The following TPGS2 variants were observed in gnomAD, a reference collection of about 807,000 sequenced individuals.
The protein encoded by TPGS2 is polyglutamylase subunit 2.
A neutral mutation model predicts 31.1 loss-of-function variants in TPGS2; 26 were observed. The observed-to-expected ratio is 0.84, with a 90% CI of 0.61 to 1.16. The LOEUF is 1.16. Among genes scored for constraint, TPGS2 ranks in the 50% most tolerant of loss-of-function variants. TPGS2 has a pLI of 0.00. For synonymous variants in TPGS2, 130 were observed against 136.6 expected (o/e 0.95, Z 0.34); for missense variants, 351 against 363.8 (o/e 0.96, Z 0.29).
At chr18:36,815,764 G>A (rs763034298) in intron 2 of TPGS2, among the ~76,000 whole-genome samples, 35 of 152,114 alleles carry the variant, frequency 2.3e-4, no homozygotes, top group Non-Finnish European at 4.7e-4. Flanking sequence ...TACAAGCCCC[G>A]ACATGCCAAA....
intron 2 of TPGS2, among the ~76,000 whole-genome samples, chr18:36,812,943 C>T (rs1022932155): frequency 3.3e-5 from 5 of 152,044 alleles, no homozygotes; most frequent in South Asian, 2.1e-4. Flanking sequence ...TTGATTGTTG[C>T]GGAGTAACAG....
At chr18:36,786,693 G>A in intron 6 of TPGS2, 2 of 619,082 alleles carry the variant, frequency 3.2e-6, no homozygotes, top group Non-Finnish European at 4.7e-6. Flanking sequence ...ACAAAAGGGA[G>A]GGGGTATGAT....
chr18:36,826,880 T>C (rs557199808), intron 1 of TPGS2, among the ~76,000 whole-genome samples: 15 of 152,230 alleles, frequency 9.9e-5, no homozygotes, highest in Non-Finnish European at 1.8e-4. Context: ...CTTCATCAGG[T>C]TGAGGAAATT....
chr18:36,795,615 A>C lies in TPGS2; in HGVS notation c.*1190T>G, dbSNP rs2044492476. ...AATCTGAGCAACCTTCTCTGTAAAA[A>C]TTTCATTAAATGTAGTAGGTATGTC... On this transcript the variant is annotated 3_prime_UTR_variant, in exon 7 of 7. Coordinates refer to ENST00000334295, the MANE Select transcript of TPGS2 (RefSeq NM_015476.4). 2.0e-6 allele frequency: 2 copies of C among 985,346 alleles called. No homozygotes were observed. Among genetic ancestry groups the C allele is most frequent in the African/African-American group, 1.7e-5 (1 of 57,254 alleles). The allele number at this position is 985,346 out of a possible 1,614,324, so 61.0% of individuals were successfully genotyped here.
At chr18:36,797,765 C>T (rs1394418770) in intron 6 of TPGS2, among the ~76,000 whole-genome samples, 1 of 151,638 alleles carries the variant, frequency 6.6e-6, no homozygotes, top group Non-Finnish European at 1.5e-5. Context: ...AAAAGTTTTT[C>T]CAGCCACACT....
At chr18:36,802,983 TTTAA>T (rs1402406080) in intron 4 of TPGS2, among the ~76,000 whole-genome samples, 4 of 152,190 alleles carry the variant, frequency 2.6e-5, no homozygotes, top group African/African-American at 7.2e-5. Context: ...GACAATTATT[TTTAA>T]TTGTTTTATT....
intron 2 of TPGS2, 42 bp from the exon 3 acceptor site, chr18:36,807,976 AAG>A: frequency 1.2e-6 from 2 of 1,602,154 alleles, no homozygotes; most frequent in Non-Finnish European, 8.5e-7. Context: ...AGGGCTGGGA[AAG>A]AGGGTACAGG....
chr18:36,795,264 G>A lies in TPGS2; in HGVS notation c.*1541C>T. 2 of 985,454 alleles carry A rather than the reference G, an allele frequency of 2.0e-6. No homozygotes were observed. Among genetic ancestry groups the A allele is most frequent in the Non-Finnish European group, 2.4e-6 (2 of 829,954 alleles). 61.0% of individuals were successfully genotyped at this position (985,454 alleles called of 1,614,324 possible). On this transcript the variant is annotated 3_prime_UTR_variant, in exon 7 of 7. Coordinates refer to ENST00000334295, the MANE Select transcript of TPGS2 (RefSeq NM_015476.4). Reference sequence around the variant, plus strand: ...CTGCTCTTAGTTCCCCAGTGGGTTTGGAAGAGGGAAACCCTGGGTCGATTA... The same window carrying A: ...CTGCTCTTAGTTCCCCAGTGGGTTTAGAAGAGGGAAACCCTGGGTCGATTA...
At chr18:36,784,796 G>A (rs920207782) in intron 6 of TPGS2, among the ~76,000 whole-genome samples, 2 of 152,260 alleles carry the variant, frequency 1.3e-5, no homozygotes, top group South Asian at 4.2e-4. Flanking sequence ...ATACTGGCTT[G>A]TCTCACTAGT....
chr18:36,827,460 G>A (rs1444993504), intron 1 of TPGS2, among the ~76,000 whole-genome samples: 3 of 152,180 alleles, frequency 2.0e-5, no homozygotes, highest in African/African-American at 7.2e-5. Flanking sequence ...CAGGTGCAAG[G>A]ACTAGCAAAC....
chr18:36,816,585 T>C (rs937383702), intron 2 of TPGS2, among the ~76,000 whole-genome samples: 2 of 152,120 alleles, frequency 1.3e-5, no homozygotes, highest in Admixed American at 1.3e-4. Flanking sequence ...AGGATCTGAC[T>C]CTCACAAAAG....
rs143440654 is a variant in TPGS2, at chr18:36,800,693, C to CTT, written c.383-384_383-383dup. ...AAACACATTATCTGAATCTTTCTTT[C>CTT]TTTTTTTTTTTTTTGAGATGGAGTC... On this transcript the variant is annotated intron_variant, in intron 4 of 6. Transcript: ENST00000334295. 4.0e-4 allele frequency among the ~76,000 whole-genome samples: 58 copies of CTT among 143,310 alleles called. 1 individual carries two copies. The highest frequency in any genetic ancestry group is 6.1e-4 in the Non-Finnish European group (40 of 65,550). 94.0% of individuals were successfully genotyped at this position (143,310 alleles called of 152,430 possible). A position where few individuals can be genotyped will look rare whatever the true frequency, so the allele number is the denominator to read the frequency against.
At chr18:36,824,734 C>A (rs2046055105) in intron 1 of TPGS2, among the ~76,000 whole-genome samples, 1 of 152,124 alleles carries the variant, frequency 6.6e-6, no homozygotes, top group Admixed American at 6.5e-5. Context: ...TGTAAGAGTT[C>A]TTTGCAGATC....
In TPGS2 at chr18:36,825,410, C is replaced by T. The variant is rs113752506; in HGVS notation, c.85+3273G>A. 6.1e-3 allele frequency among the ~76,000 whole-genome samples: 800 copies of T among 130,228 alleles called. 8 individuals are homozygous for T. The highest frequency in any genetic ancestry group is 7.7e-3 in the Non-Finnish European group (499 of 65,218). The allele number at this position is 130,228 out of a possible 152,430, so 85.4% of individuals were successfully genotyped here. ...GCACACCACTGCACTCCAGCCTGGG[C>T]GACAGAGCGAGACTCCGTCTCCAAA... On this transcript the variant is annotated intron_variant, in intron 1 of 6. Coordinates refer to ENST00000334295, the MANE Select transcript of TPGS2 (RefSeq NM_015476.4).
At chr18:36,823,594 G>C (rs2045999134) in intron 1 of TPGS2, among the ~76,000 whole-genome samples, 1 of 149,946 alleles carries the variant, frequency 6.7e-6, no homozygotes, top group South Asian at 2.1e-4. Context: ...CCGAGTAGCT[G>C]GGACTACAGG....
chr18:36,789,154 T>C, downstream of TPGS2: 1 of 152,206 alleles, frequency 6.6e-6, no homozygotes, highest in East Asian at 1.9e-4. Flanking sequence ...CTATGAGCCA[T>C]GGCTGCAAAA....
At chr18:36,824,255 C>T (rs1381232883) in intron 1 of TPGS2, among the ~76,000 whole-genome samples, 2 of 152,306 alleles carry the variant, frequency 1.3e-5, no homozygotes. Context: ...TTATATATCA[C>T]GTTCATCAAC....
At chr18:36,827,356 G>A (rs561583889) in intron 1 of TPGS2, among the ~76,000 whole-genome samples, 1 of 152,312 alleles carries the variant, frequency 6.6e-6, no homozygotes, top group South Asian at 2.1e-4. Context: ...GCGGTTATTC[G>A]AACTATATTC....
At chr18:36,818,608 A>G (rs2045763992) in intron 2 of TPGS2, 1 of 329,836 alleles carries the variant, frequency 3.0e-6, no homozygotes, top group East Asian at 5.1e-5. Flanking sequence ...ATTAACACAT[A>G]TCCTTTCTTT....
Sources: allele counts gnomAD v4.1 joint callset (sites outside exome capture counted in the v4.1 genomes callset), GRCh38; gene constraint gnomAD v4.1.1; transcripts MANE v1.5; gene names NCBI Gene and HGNC (gene_info 2026-07-23, HGNC 2026-07-21).